Variants in ENOX2 observed in about 807,000 individuals in gnomAD.
ENOX2 encodes the protein ecto-NOX disulfide-thiol exchanger 2.
Under a neutral mutation model 45.0 loss-of-function variants are expected in ENOX2, and 36 were observed. The observed-to-expected ratio is 0.80, with a 90% confidence interval of 0.61 to 1.06. ENOX2 has a LOEUF of 1.06. ENOX2 is among the 50% of genes least tolerant of loss of function. The pLI is 0.00. For missense variants in ENOX2, 423 were observed against 462.5 expected (o/e 0.91, Z 0.78); for synonymous variants, 174 against 152.3 (o/e 1.14, Z -1.05).
chrX:130,876,014 T>A (rs2078693819), intron 2 of ENOX2, among the ~76,000 whole-genome samples: 1 of 111,656 alleles, frequency 9.0e-6, no homozygotes, highest in Non-Finnish European at 1.9e-5. Flanking sequence ...GACCGTAAAA[T>A]TGTGCAGCCA....
At chrX:130,786,266 A>G (rs2076967546) in intron 2 of ENOX2, among the ~76,000 whole-genome samples, 1 of 112,539 alleles carries the variant, frequency 8.9e-6, no homozygotes, top group Admixed American at 9.3e-5. Context: ...ATTACTTAAA[A>G]TAATTAGATT....
chrX:130,843,280 C>T (rs2078045629), intron 2 of ENOX2, among the ~76,000 whole-genome samples: 1 of 111,028 alleles, frequency 9.0e-6, no homozygotes, highest in Non-Finnish European at 1.9e-5. Flanking sequence ...ATCCAGTAAC[C>T]GAGCCCTACG....
chrX:130,645,917 G>C, intron 10 of ENOX2: 1 of 701,947 alleles, frequency 1.4e-6, no homozygotes, highest in Admixed American at 2.2e-5. Context: ...AGTTTAACTT[G>C]GGCAATAGCA....
chrX:130,862,284 G>A (rs1182750612), intron 2 of ENOX2, among the ~76,000 whole-genome samples: 3 of 110,791 alleles, frequency 2.7e-5, no homozygotes, highest in Admixed American at 9.6e-5. Flanking sequence ...ACACTCTCTC[G>A]TCTGAAGGTC....
chrX:130,627,187 T>C (rs978715094), intron 14 of ENOX2, among the ~76,000 whole-genome samples: 1 of 111,464 alleles, frequency 9.0e-6, no homozygotes, highest in Non-Finnish European at 1.9e-5. Context: ...CTCCCTTGTT[T>C]TGTAATAGAT....
chrX:130,813,065 G>A (rs772885559), intron 2 of ENOX2, among the ~76,000 whole-genome samples: 2 of 111,789 alleles, frequency 1.8e-5, no homozygotes, highest in Admixed American at 9.5e-5. Context: ...AATTACGAAC[G>A]CTTAACCAGT....
chrX:130,739,483 A>G (rs1434688643), intron 3 of ENOX2, among the ~76,000 whole-genome samples: 1 of 112,656 alleles, frequency 8.9e-6, no homozygotes, highest in Admixed American at 9.4e-5. Context: ...AAGTTGAGGA[A>G]CATCTGTAAT....
intron 3 of ENOX2, among the ~76,000 whole-genome samples, chrX:130,751,601 T>C (rs903325174): frequency 2.7e-5 from 3 of 112,016 alleles, no homozygotes; most frequent in Non-Finnish European, 5.7e-5. Context: ...CTGGTTCATA[T>C]GGTAATTCTA....
chrX:130,662,480 C>T (rs1026028748), intron 9 of ENOX2, among the ~76,000 whole-genome samples: 107 of 111,640 alleles, frequency 9.6e-4, no homozygotes, highest in African/African-American at 3.3e-3. Context: ...TTGATGAAAC[C>T]CTTGGCTTAT....
At chrX:130,718,908 A>G (rs1358025351) in intron 3 of ENOX2, among the ~76,000 whole-genome samples, 1 of 111,873 alleles carries the variant, frequency 8.9e-6, no homozygotes, top group Non-Finnish European at 1.9e-5. Context: ...CACACATTAT[A>G]GGAATGCAAC....
chrX:130,799,065 C>T (rs763586050), intron 2 of ENOX2, among the ~76,000 whole-genome samples: 4 of 111,326 alleles, frequency 3.6e-5, no homozygotes, highest in African/African-American at 6.5e-5. Flanking sequence ...TCTGTAAGGG[C>T]GATGCCAAAG....
At position 130,624,149 on chromosome X, in the gene ENOX2, T is replaced by C. The variant is rs1379175823; in HGVS notation, c.*1165A>G. On this transcript the variant is annotated 3_prime_UTR_variant, in exon 15 of 15. Coordinates refer to ENST00000394363, the MANE Select transcript of ENOX2 (RefSeq NM_006375.4). ...CCAAACCTCCATCCTCTCTGTTTAC[T>C]TTCCACCAAGCAGAAGTTTCTGAAT... 1 of 110,802 alleles carries C rather than the reference T, an allele frequency of 9.0e-6. No homozygotes were observed. The highest frequency in any genetic ancestry group is 1.9e-5 in the Non-Finnish European group (1 of 53,099). 9.1% of individuals were successfully genotyped at this position (110,802 alleles called of 1,213,427 possible).
intron 3 of ENOX2, among the ~76,000 whole-genome samples, chrX:130,742,245 CTTTTTTTTTTTTTTTTTTT>C (rs67776619): frequency 1.7e-5 from 1 of 60,171 alleles, no homozygotes; most frequent in Non-Finnish European, 3.0e-5. Flanking sequence ...AGATAATTTC[CTTTTTTTTTTTTTTTTTTT>C]TTTTTTTTTT....
At chrX:130,685,321 C>CTT (rs1429141347) in intron 5 of ENOX2, among the ~76,000 whole-genome samples, 1 of 111,389 alleles carries the variant, frequency 9.0e-6, no homozygotes, top group Admixed American at 9.5e-5. Flanking sequence ...ATTAAAAGGA[C>CTT]TTTAGTCTCT....
chrX:130,673,468 T>G (rs539118311), intron 6 of ENOX2, among the ~76,000 whole-genome samples: 3 of 103,857 alleles, frequency 2.9e-5, no homozygotes, highest in African/African-American at 7.1e-5. Flanking sequence ...AAAGAAGAGA[T>G]AGAGATCTTG....
chrX:130,813,899 C>T (rs2077434862), intron 2 of ENOX2, among the ~76,000 whole-genome samples: 1 of 111,893 alleles, frequency 8.9e-6, no homozygotes, highest in East Asian at 2.8e-4. Flanking sequence ...CAAGACAGAA[C>T]CGTTTGCTCC....
intron 10 of ENOX2, among the ~76,000 whole-genome samples, chrX:130,652,012 C>T (rs1292411120): frequency 2.7e-5 from 3 of 111,691 alleles, no homozygotes; most frequent in Non-Finnish European, 5.7e-5. Context: ...TTAACTTTAT[C>T]GATTCTAGTT....
At chrX:130,693,353 A>G (rs1255563415) in intron 4 of ENOX2, among the ~76,000 whole-genome samples, 1 of 112,477 alleles carries the variant, frequency 8.9e-6, no homozygotes, top group African/African-American at 3.2e-5. Flanking sequence ...TTTTAGGTTC[A>G]GTGCTAAGCA....
At chrX:130,770,558 G>A (rs1603344702) in intron 3 of ENOX2, among the ~76,000 whole-genome samples, 1 of 110,782 alleles carries the variant, frequency 9.0e-6, no homozygotes, top group Non-Finnish European at 1.9e-5. Flanking sequence ...ACCCTTACAA[G>A]TCCATAATTT....
Sources: gnomAD v4.1 joint callset for allele counts (sites outside exome capture counted in the v4.1 genomes callset) on GRCh38, gnomAD v4.1.1 for gene constraint, MANE v1.5 for transcripts, NCBI Gene and HGNC (gene_info 2026-07-23, HGNC 2026-07-21) for gene names.